SLC24A2: variants seen among roughly 807,000 people sequenced by gnomAD.
The protein encoded by SLC24A2 is sodium/potassium/calcium exchanger 2.
Under a neutral mutation model 62.0 loss-of-function variants are expected in SLC24A2, and 36 were observed. That is an observed-to-expected ratio of 0.58 (90% confidence interval 0.44 to 0.77). The LOEUF (loss-of-function observed/expected upper bound fraction) is 0.77, where lower values mean the gene tolerates loss of function less well. Ranked by LOEUF, SLC24A2 falls within the 30% of genes least tolerant of loss-of-function variation. The pLI is 0.00. For missense variants in SLC24A2, 846 were observed against 817.9 expected, an observed-to-expected ratio of 1.03 and a Z score of -0.42; for synonymous variants, 358 against 294.0, an observed-to-expected ratio of 1.22 and a Z score of -2.23.
chr9:19,546,686 G>T (rs1024593772), intron 8 of SLC24A2, among the ~76,000 whole-genome samples: 2 of 152,030 alleles, frequency 1.3e-5, no homozygotes, highest in Non-Finnish European at 2.9e-5. Context: ...CTTTTCCAGG[G>T]AAGTGAATGG....
the SLC24A2 span, among the ~76,000 whole-genome samples, chr9:20,103,709 C>A: frequency 3.9e-5 from 6 of 152,144 alleles, no homozygotes; most frequent in Admixed American, 6.5e-5. Flanking sequence ...ACATCACCAT[C>A]ATCAAAGACC....
In SLC24A2 at chr9:19,514,166, G is replaced by A. The variant is rs1275521253; in HGVS notation, c.*1987C>T. 6.6e-6 allele frequency: 1 copy of A among 152,208 alleles called. No homozygotes were observed. The highest frequency in any genetic ancestry group is 2.4e-5 in the African/African-American group (1 of 41,434). The allele number at this position is 152,208 out of a possible 1,614,324, so 9.4% of individuals were successfully genotyped here. On this transcript the variant is annotated 3_prime_UTR_variant, in exon 11 of 11. Transcript: ENST00000341998. Reference sequence around the variant, plus strand: ...GATGGGCATTTCCTGTTATTGCCATGCTCTGTGGGGTGAGCTGAGGTTTTC... The same window carrying A: ...GATGGGCATTTCCTGTTATTGCCATACTCTGTGGGGTGAGCTGAGGTTTTC...
chr9:19,869,682 C>G, the SLC24A2 span, among the ~76,000 whole-genome samples: 1 of 152,088 alleles, frequency 6.6e-6, no homozygotes, highest in Non-Finnish European at 1.5e-5. Flanking sequence ...TGTCCTTTTC[C>G]TCCCTCTTCC....
At chr9:19,900,171 G>A in the SLC24A2 span, among the ~76,000 whole-genome samples, 1 of 152,252 alleles carries the variant, frequency 6.6e-6, no homozygotes, top group East Asian at 1.9e-4. Flanking sequence ...ACAGGGCCCT[G>A]CACAACTGCT....
At chr9:19,851,934 G>A in the SLC24A2 span, among the ~76,000 whole-genome samples, 2 of 152,048 alleles carry the variant, frequency 1.3e-5, no homozygotes, top group South Asian at 2.1e-4. Flanking sequence ...TGAACTAACT[G>A]ACATTCCCAC....
the SLC24A2 span, among the ~76,000 whole-genome samples, chr9:19,886,304 G>C: frequency 6.6e-6 from 1 of 152,168 alleles, no homozygotes; most frequent in Non-Finnish European, 1.5e-5. Flanking sequence ...ACTAGTGTGA[G>C]ATGGTATTTC....
At chr9:19,822,024 T>G in the SLC24A2 span, among the ~76,000 whole-genome samples, 2 of 152,122 alleles carry the variant, frequency 1.3e-5, no homozygotes, top group Non-Finnish European at 2.9e-5. Context: ...GTATGAGGCA[T>G]CATCTATAGC....
chr9:20,150,396 A>G, the SLC24A2 span, among the ~76,000 whole-genome samples: 1 of 152,024 alleles, frequency 6.6e-6, no homozygotes, highest in East Asian at 1.9e-4. Context: ...TCTGTGACCT[A>G]TCAAGAAAAC....
At chr9:19,685,304 A>G (rs1014863499) in intron 2 of SLC24A2, among the ~76,000 whole-genome samples, 1 of 152,194 alleles carries the variant, frequency 6.6e-6, no homozygotes, top group African/African-American at 2.4e-5. Flanking sequence ...ATTGATTGGA[A>G]GAATCAATAT....
At chr9:20,022,648 C>G in the SLC24A2 span, among the ~76,000 whole-genome samples, 1 of 152,202 alleles carries the variant, frequency 6.6e-6, no homozygotes, top group Non-Finnish European at 1.5e-5. Flanking sequence ...AAGATCTCTG[C>G]TGCTTCTCTC....
chr9:20,029,867 G>A, the SLC24A2 span, among the ~76,000 whole-genome samples: 1 of 152,028 alleles, frequency 6.6e-6, no homozygotes, highest in African/African-American at 2.4e-5. Context: ...TGTGTGTGGT[G>A]GAGGAACCAG....
At chr9:20,219,453 G>T in the SLC24A2 span, among the ~76,000 whole-genome samples, 9 of 152,186 alleles carry the variant, frequency 5.9e-5, no homozygotes, top group Non-Finnish European at 1.0e-4. Flanking sequence ...CTTTGGTATT[G>T]CTTCCTCAAG....
At chr9:20,174,913 C>G in the SLC24A2 span, among the ~76,000 whole-genome samples, 14 of 151,886 alleles carry the variant, frequency 9.2e-5, no homozygotes, top group East Asian at 2.3e-3. Flanking sequence ...ATGCTTATAG[C>G]AGCACAATTC....
At chr9:19,760,957 C>T (rs1048706273) in intron 2 of SLC24A2, among the ~76,000 whole-genome samples, 2 of 152,010 alleles carry the variant, frequency 1.3e-5, no homozygotes, top group African/African-American at 4.8e-5. Flanking sequence ...AGATACACCT[C>T]ACGTAAACGA....
At chr9:19,635,760 A>G (rs905383489) in intron 2 of SLC24A2, among the ~76,000 whole-genome samples, 1 of 152,206 alleles carries the variant, frequency 6.6e-6, no homozygotes, top group Non-Finnish European at 1.5e-5. Context: ...GGCTTTATCA[A>G]TATGTCTATA....
intron 2 of SLC24A2, among the ~76,000 whole-genome samples, chr9:19,720,837 A>ATGTGTGTGTGTGTG (rs10692458): frequency 7.1e-6 from 1 of 140,436 alleles, no homozygotes; most frequent in Non-Finnish European, 1.6e-5. Flanking sequence ...ATGTGGAATG[A>ATGTGTGTGTGTGTG]TGTGTGTGTG....
the SLC24A2 span, among the ~76,000 whole-genome samples, chr9:19,875,597 T>A: frequency 2.0e-5 from 3 of 152,178 alleles, no homozygotes; most frequent in African/African-American, 7.2e-5. Context: ...TTGTCACCAT[T>A]TTGAAGACAG....
chr9:20,146,671 T>C, the SLC24A2 span, among the ~76,000 whole-genome samples: 2 of 152,058 alleles, frequency 1.3e-5, no homozygotes, highest in Non-Finnish European at 2.9e-5. Context: ...ATAGCCACCC[T>C]GTGGGGCCTG....
intron 2 of SLC24A2, among the ~76,000 whole-genome samples, chr9:19,702,211 T>C (rs1392765043): frequency 6.6e-6 from 1 of 152,238 alleles, no homozygotes; most frequent in African/African-American, 2.4e-5. Context: ...CCTTTTGTTT[T>C]TCCCATGAAT....
Sources: allele counts gnomAD v4.1 joint callset (sites outside exome capture counted in the v4.1 genomes callset), GRCh38; gene constraint gnomAD v4.1.1; transcripts MANE v1.5; gene names NCBI Gene and HGNC (gene_info 2026-07-23, HGNC 2026-07-21).